The following FRMPD4 variants were observed in gnomAD, a reference collection of about 807,000 sequenced individuals.
FRMPD4 encodes the protein FERM and PDZ domain-containing protein 4.
Under a neutral mutation model 94.1 loss-of-function variants are expected in FRMPD4, and 22 were observed. The observed-to-expected ratio is 0.23, with a 90% CI of 0.17 to 0.33. The LOEUF is 0.33. Ranked by LOEUF, FRMPD4 falls within the 10% of genes least tolerant of loss-of-function variation. The pLI is 1.00. For missense variants in FRMPD4, 1,111 were observed against 1,339.9 expected, an observed-to-expected ratio of 0.83 and a Z score of 2.67; for synonymous variants, 631 against 548.6, an observed-to-expected ratio of 1.15 and a Z score of -2.10.
intron 3 of FRMPD4, among the ~76,000 whole-genome samples, chrX:12,015,542 C>T (rs2054600913): frequency 8.9e-6 from 1 of 111,941 alleles, no homozygotes; most frequent in South Asian, 3.7e-4. Flanking sequence ...ACATATTTTG[C>T]TCCTTTTATT....
chrX:12,666,295 C>G (rs2059778423), intron 4 of FRMPD4, among the ~76,000 whole-genome samples: 1 of 111,223 alleles, frequency 9.0e-6, no homozygotes, highest in Non-Finnish European at 1.9e-5. Flanking sequence ...TCTTAGAGAC[C>G]TACAAAGAGA....
chrX:12,036,367 T>A (rs1308839464), intron 3 of FRMPD4, among the ~76,000 whole-genome samples: 2 of 111,936 alleles, frequency 1.8e-5, no homozygotes, highest in Non-Finnish European at 3.8e-5. Flanking sequence ...GCATGAGAAA[T>A]AAATGCAATA....
Position 12,233,977 on chromosome X carries a change from A to ATTATTTATTTATTTAT in FRMPD4, c.41+94978_41+94993dup, listed in dbSNP as rs111441692. On this transcript the variant is annotated intron_variant, in intron 1 of 16. Coordinates refer to ENST00000675598, the MANE Select transcript of FRMPD4 (RefSeq NM_001368397.1). ...GCGTCATCTGCCAGAGAATGAATGA[A>ATTATTTATTTATTTAT]TTATTTATTTATTTATTTATTTATT... 9.6e-3 allele frequency among the ~76,000 whole-genome samples: 988 copies of ATTATTTATTTATTTAT among 103,204 alleles called. 7 individuals carry two copies. The highest frequency in any genetic ancestry group is 0.026 in the East Asian group (82 of 3,198). The allele number at this position is 103,204 out of a possible 115,157, so 89.6% of individuals were successfully genotyped here.
At chrX:11,985,866 T>C (rs1285456433) in intron 3 of FRMPD4, among the ~76,000 whole-genome samples, 1 of 112,279 alleles carries the variant, frequency 8.9e-6, no homozygotes, top group East Asian at 2.8e-4. Flanking sequence ...AATGCCAGTC[T>C]AGCTGCAGTA....
chrX:12,316,358 G>T (rs1187905701), intron 1 of FRMPD4, among the ~76,000 whole-genome samples: 1 of 109,111 alleles, frequency 9.2e-6, no homozygotes, highest in Non-Finnish European at 1.9e-5. Flanking sequence ...TCACCATGTT[G>T]GCCAGGCTGG....
At chrX:12,538,729 C>A (rs2058369883) in intron 2 of FRMPD4, among the ~76,000 whole-genome samples, 1 of 112,135 alleles carries the variant, frequency 8.9e-6, no homozygotes, top group Non-Finnish European at 1.9e-5. Flanking sequence ...CTCCAACAGA[C>A]CTGCAGCTGA....
In FRMPD4 at chrX:12,530,678, G is replaced by A. The variant is rs148690798; in HGVS notation, c.158+31882G>A. Among the ~76,000 whole-genome samples, 294 of 111,678 alleles carry A rather than the reference G, an allele frequency of 2.6e-3. 4 individuals are homozygous for A. The highest frequency in any genetic ancestry group is 0.025 in the Admixed American group (265 of 10,446). ...CAGGGAAGAGTTGTGAGAAATGAGGGGGTGATATCAAAGAGCCAAGGATTT... is the reference window on the plus strand; with the variant it reads ...CAGGGAAGAGTTGTGAGAAATGAGGAGGTGATATCAAAGAGCCAAGGATTT... On this transcript the variant is annotated intron_variant, in intron 2 of 16. Coordinates refer to ENST00000675598, the MANE Select transcript of FRMPD4 (RefSeq NM_001368397.1).
intron 1 of FRMPD4, among the ~76,000 whole-genome samples, chrX:12,383,431 C>T (rs2056354285): frequency 9.0e-6 from 1 of 111,410 alleles, no homozygotes; most frequent in Non-Finnish European, 1.9e-5. Context: ...TCCTGCAGTG[C>T]GCAGGACCCC....
chrX:12,702,416 C>T (rs927692317), intron 10 of FRMPD4, among the ~76,000 whole-genome samples: 1 of 111,586 alleles, frequency 9.0e-6, no homozygotes, highest in Non-Finnish European at 1.9e-5. Flanking sequence ...GCTATTAACG[C>T]GGGGATATAG....
intron 1 of FRMPD4, among the ~76,000 whole-genome samples, chrX:12,167,084 C>G (rs2056133316): frequency 9.0e-6 from 1 of 111,038 alleles, no homozygotes; most frequent in Admixed American, 9.6e-5. Context: ...TTATTTCTTG[C>G]CTTTTGCTAG....
intron 4 of FRMPD4, among the ~76,000 whole-genome samples, chrX:12,618,738 G>C (rs1004536324): frequency 2.2e-4 from 25 of 111,324 alleles, no homozygotes; most frequent in Non-Finnish European, 4.3e-4. Flanking sequence ...ACTAACTCCT[G>C]TTAGAATGGG....
chrX:12,662,695 A>G (rs751470682), intron 4 of FRMPD4, among the ~76,000 whole-genome samples: 11 of 112,504 alleles, frequency 9.8e-5, no homozygotes, highest in Non-Finnish European at 5.6e-5. Flanking sequence ...AGAATGATTT[A>G]TAATCCTTTG....
intron 2 of FRMPD4, among the ~76,000 whole-genome samples, chrX:12,518,683 T>C (rs1016579347): frequency 8.9e-6 from 1 of 111,943 alleles, no homozygotes; most frequent in Non-Finnish European, 1.9e-5. Context: ...TCACCACTTC[T>C]ATTCAATGTA....
intron 3 of FRMPD4, among the ~76,000 whole-genome samples, chrX:12,132,233 A>T (rs1211375365): frequency 1.1e-5 from 1 of 89,394 alleles, no homozygotes; most frequent in Non-Finnish European, 2.2e-5. Flanking sequence ...GGTGAGGTTT[A>T]GGAGGGAAAA....
chrX:12,205,595 C>T (rs1026082134), intron 1 of FRMPD4, among the ~76,000 whole-genome samples: 1 of 111,800 alleles, frequency 8.9e-6, no homozygotes, highest in African/African-American at 3.2e-5. Context: ...TACTGCACAG[C>T]TTACTTAGAA....
intron 1 of FRMPD4, among the ~76,000 whole-genome samples, chrX:12,453,531 A>G (rs900558276): frequency 1.8e-5 from 2 of 111,889 alleles, no homozygotes; most frequent in Non-Finnish European, 3.8e-5. Flanking sequence ...AATGGTGGCA[A>G]TAAGGTCATC....
intron 2 of FRMPD4, among the ~76,000 whole-genome samples, chrX:12,538,481 T>G (rs1468543177): frequency 4.5e-5 from 5 of 111,378 alleles, no homozygotes; most frequent in Non-Finnish European, 9.4e-5. Context: ...AGAGTAGTGG[T>G]TCTCCCAGCA....
intron 3 of FRMPD4, among the ~76,000 whole-genome samples, chrX:11,949,588 A>C (rs1461017252): frequency 8.9e-6 from 1 of 112,003 alleles, no homozygotes; most frequent in Admixed American, 9.5e-5. Context: ...GTGTATACGC[A>C]TGTGTTGGTA....
chrX:11,984,657 G>A (rs2054417386), intron 3 of FRMPD4, among the ~76,000 whole-genome samples: 1 of 112,180 alleles, frequency 8.9e-6, no homozygotes, highest in Admixed American at 9.5e-5. Flanking sequence ...TCTTCAATTA[G>A]GGCATGAACA....
Sources: gnomAD v4.1 joint callset for allele counts (sites outside exome capture counted in the v4.1 genomes callset) on GRCh38, gnomAD v4.1.1 for gene constraint, MANE v1.5 for transcripts, NCBI Gene and HGNC (gene_info 2026-07-23, HGNC 2026-07-21) for gene names.